Variants in PDE6G observed in about 807,000 individuals in gnomAD.
PDE6G encodes rod cGMP 3',5'-cyclic phosphodiesterase subunit gamma.
A neutral mutation model predicts 10.9 loss-of-function variants in PDE6G; 10 were observed. The ratio of observed to expected loss-of-function variants is 0.91; its 90% CI spans 0.56 to 1.55. PDE6G has a LOEUF of 1.55. Ranked by LOEUF, PDE6G falls within the 40% of genes most tolerant of loss-of-function variation. PDE6G has a pLI of 0.00. For synonymous variants in PDE6G, 41 were observed against 42.8 expected (o/e 0.96, Z 0.16); for missense variants, 102 against 110.1 (o/e 0.93, Z 0.33).
rs1268753329 is a variant in PDE6G at position 81,651,628 on chromosome 17, A to G, written c.187+17T>C. 3.7e-6 allele frequency: 6 copies of G among 1,613,322 alleles called. No individual in the cohort carries two copies. The highest frequency in any genetic ancestry group is 5.1e-6 in the Non-Finnish European group (6 of 1,179,540). ...GGACCTGGGCAGACCTCGGGTTGGTACTGGCAGCCGTCATACCTGTTCCCA... is the reference window on the plus strand; with the variant it reads ...GGACCTGGGCAGACCTCGGGTTGGTGCTGGCAGCCGTCATACCTGTTCCCA... On this transcript the variant is annotated intron_variant, in intron 3 of 3. Coordinates refer to ENST00000331056, the MANE Select transcript of PDE6G (RefSeq NM_002602.4). This position sits in a 1 kb window ranked among gnomAD's most constrained non-coding sequence, Gnocchi z 4.8.
intron 1 of PDE6G, 126 bp downstream of exon 1, chr17:81,656,367 C>G (rs1316685294): frequency 1.5e-6 from 1 of 660,774 alleles, no homozygotes; most frequent in African/African-American, 1.8e-5. Flanking sequence ...ATCTGCAGAC[C>G]CAGACCTCAG....
In PDE6G at chr17:81,650,784, C is replaced by T. The variant is rs1261637920; in HGVS notation, c.*290G>A. 63 of 524,040 alleles carry T rather than the reference C, an allele frequency of 1.2e-4. No individual in the cohort carries two copies. Among genetic ancestry groups the T allele is most frequent in the Non-Finnish European group, 1.5e-4 (41 of 271,306 alleles). The allele number at this position is 524,040 out of a possible 1,614,324, so 32.5% of individuals were successfully genotyped here. On this transcript the variant is annotated 3_prime_UTR_variant, in exon 4 of 4. Transcript: ENST00000331056. ...GGGCTGGGGTCCACTTCCCGTTCTC[C>T]CTGGGAGTGGAGACCGACCAAGCCT...
intron 2 of PDE6G, among the ~76,000 whole-genome samples, chr17:81,652,369 C>G (rs113328948): frequency 0.087 from 13,187 of 151,670 alleles, 707 homozygotes; most frequent in Middle Eastern, 0.13. Context: ...CTCTGCCTCC[C>G]GGGTTCACAC....
chr17:81,657,406 G>A (rs1353844616), upstream of PDE6G, among the ~76,000 whole-genome samples: 1 of 152,200 alleles, frequency 6.6e-6, no homozygotes, highest in African/African-American at 2.4e-5. Flanking sequence ...ATTCTTTCCT[G>A]CGGATCCCAA....
chr17:81,656,948 T>G, upstream of PDE6G: 1 of 326,098 alleles, frequency 3.1e-6, no homozygotes, highest in South Asian at 3.3e-5. Flanking sequence ...CCCAGGGCCT[T>G]TGCACCTGCT....
At chr17:81,662,849 A>G (rs969946424) in intron 1 of PDE6G, among the ~76,000 whole-genome samples, 2 of 151,770 alleles carry the variant, frequency 1.3e-5, no homozygotes, top group Admixed American at 6.6e-5. Context: ...AATACAAAAA[A>G]TTAGCTGGAT....
chr17:81,652,766 G>A (rs2036381478), intron 2 of PDE6G, among the ~76,000 whole-genome samples: 1 of 89,946 alleles, frequency 1.1e-5, no homozygotes. Context: ...GTAGAGACAG[G>A]TTTCTCCATG....
At chr17:81,660,437 T>C (rs2036499633), upstream of PDE6G, among the ~76,000 whole-genome samples, 1 of 152,146 alleles carries the variant, frequency 6.6e-6, no homozygotes, top group South Asian at 2.1e-4. Flanking sequence ...ATTAATACTT[T>C]TCTACAGCAG....
At chr17:81,662,318 T>C (rs2036519923) in intron 1 of PDE6G, among the ~76,000 whole-genome samples, 1 of 151,700 alleles carries the variant, frequency 6.6e-6, no homozygotes, top group South Asian at 2.1e-4. Flanking sequence ...CCAAAAAGTA[T>C]TGAAATAAAA....
chr17:81,656,675 G>A (rs2036451917), upstream of PDE6G: 6 of 702,314 alleles, frequency 8.5e-6, no homozygotes, highest in Non-Finnish European at 1.3e-5. Context: ...GGAGAGGAGG[G>A]GCTCAGGTGC....
rs562951520 is a variant in PDE6G, at chr17:81,650,829, G to A, written c.*245C>T. On this transcript the variant is annotated 3_prime_UTR_variant, in exon 4 of 4. Transcript: ENST00000331056. ...AAGCCTCTCTGTGGGCAGGACTGAG[G>A]GGTGGGCCTGTATCTCCAGATGTTG... 6.6e-6 allele frequency: 4 copies of A among 602,016 alleles called. No homozygotes were observed. Among genetic ancestry groups the A allele is most frequent in the East Asian group, 6.9e-5 (2 of 29,128 alleles). 37.3% of individuals were successfully genotyped at this position (602,016 alleles called of 1,614,324 possible).
chr17:81,653,559 C>T lies in PDE6G; in HGVS notation c.-59-195G>A, dbSNP rs1351061386. ...GGTCCACCCGCACGCTCCCATTCCCCTTGCCTAGTGGATGCCCCCCTGCAA... is the reference window on the plus strand; with the variant it reads ...GGTCCACCCGCACGCTCCCATTCCCTTTGCCTAGTGGATGCCCCCCTGCAA... On this transcript the variant is annotated intron_variant, in intron 1 of 3. Transcript: ENST00000331056. This position sits in a 1 kb window ranked among gnomAD's most constrained non-coding sequence, Gnocchi z 5.2. 11 of 547,212 alleles carry T rather than the reference C, an allele frequency of 2.0e-5. No homozygotes were observed. The highest frequency in any genetic ancestry group is 3.3e-5 in the Non-Finnish European group (10 of 302,438). 33.9% of individuals were successfully genotyped at this position (547,212 alleles called of 1,614,324 possible).
At chr17:81,658,317 C>T (rs1213838729), upstream of PDE6G, among the ~76,000 whole-genome samples, 2 of 151,708 alleles carry the variant, frequency 1.3e-5, no homozygotes, top group Non-Finnish European at 2.9e-5. Flanking sequence ...ATCTCCTGAC[C>T]TCGTGATCTG....
Position 81,651,027 on chromosome 17 carries a change from C to T in PDE6G, c.*47G>A. Reference sequence around the variant, plus strand: ...CAGGAATCCTGAGCAGGGTTTAGAGCACAGTGGGCAGGAGGGGGAGGGTCT... The same window carrying T: ...CAGGAATCCTGAGCAGGGTTTAGAGTACAGTGGGCAGGAGGGGGAGGGTCT... On this transcript the variant is annotated 3_prime_UTR_variant, in exon 4 of 4. Transcript: ENST00000331056. This position sits in a 1 kb window ranked among gnomAD's most constrained non-coding sequence, Gnocchi z 4.8. 1 of 1,361,888 alleles carries T rather than the reference C, an allele frequency of 7.3e-7. No homozygotes were observed. Among genetic ancestry groups the T allele is most frequent in the Non-Finnish European group, 1.1e-6 (1 of 950,348 alleles). 84.4% of individuals were successfully genotyped at this position (1,361,888 alleles called of 1,614,324 possible). A position where few individuals can be genotyped will look rare whatever the true frequency, so the allele number is the denominator to read the frequency against.
chr17:81,654,590 G>C (rs1409820882), intron 1 of PDE6G, among the ~76,000 whole-genome samples: 1 of 151,814 alleles, frequency 6.6e-6, no homozygotes. Context: ...CACCATCTTG[G>C]TCAGGCTGGT....
At chr17:81,652,758 A>G (rs1271024058) in intron 2 of PDE6G, among the ~76,000 whole-genome samples, 1 of 151,566 alleles carries the variant, frequency 6.6e-6, no homozygotes, top group Admixed American at 6.6e-5. Context: ...TATTTTTAGT[A>G]GAGACAGGTT....
At position 81,651,748 on chromosome 17, in the gene PDE6G, C is replaced by T. The variant is rs2036359826; in HGVS notation, c.147-63G>A. On this transcript the variant is annotated intron_variant, in intron 2 of 3. Coordinates refer to ENST00000331056, the MANE Select transcript of PDE6G (RefSeq NM_002602.4). This position sits in a 1 kb window ranked among gnomAD's most constrained non-coding sequence, Gnocchi z 4.8. ...AGTCCTGGCTCAGTCAGCCTGAGGCCCGAGGTCATCTCTAGCCTTCCTAGG... is the reference window on the plus strand; with the variant it reads ...AGTCCTGGCTCAGTCAGCCTGAGGCTCGAGGTCATCTCTAGCCTTCCTAGG... The T allele has an allele frequency of 1.2e-5, 18 of 1,553,054 alleles. No individual in the cohort carries two copies. In the Admixed American group the frequency reaches 3.1e-4, roughly 27 times the overall value.
At chr17:81,652,127 C>T (rs557845164) in intron 2 of PDE6G, among the ~76,000 whole-genome samples, 5 of 152,012 alleles carry the variant, frequency 3.3e-5, no homozygotes, top group African/African-American at 1.2e-4. Flanking sequence ...CTCCTCGGTG[C>T]GTTGATGGGA....
chr17:81,657,447 A>C (rs1314278738), upstream of PDE6G, among the ~76,000 whole-genome samples: 1 of 152,178 alleles, frequency 6.6e-6, no homozygotes, highest in East Asian at 1.9e-4. Context: ...TTCTGCACCA[A>C]ATCAGAAAAC....
Sources: allele counts gnomAD v4.1 joint callset (sites outside exome capture counted in the v4.1 genomes callset), GRCh38; gene constraint gnomAD v4.1.1; non-coding constraint Gnocchi (gnomAD v3.1); transcripts MANE v1.5; gene names NCBI Gene and HGNC (gene_info 2026-07-23, HGNC 2026-07-21).